THSD4: variants seen among roughly 807,000 people sequenced by gnomAD.
THSD4 encodes the protein thrombospondin type 1 domain containing 4, also known as thrombospondin type-1 domain-containing protein 4.
Under a neutral mutation model 119.0 loss-of-function variants are expected in THSD4, and 69 were observed. That is an observed-to-expected ratio of 0.58 (90% CI 0.48 to 0.71). THSD4 has a LOEUF of 0.71. THSD4 is among the 30% of genes least tolerant of loss of function. The probability of loss-of-function intolerance (pLI) is 0.00; values close to 1 mark genes in which losing one functional copy is unlikely to be tolerated. For missense variants in THSD4, 1,393 were observed against 1,391.1 expected (o/e 1.00, Z -0.02); for synonymous variants, 524 against 540.4 (o/e 0.97, Z 0.42).
chr15:71,622,014 G>A (rs4474638), intron 7 of THSD4, among the ~76,000 whole-genome samples: 149,184 of 152,302 alleles, frequency 0.98, 73,101 homozygotes, highest in Middle Eastern at 1. Flanking sequence ...TTTTGAACCT[G>A]TCTCAGGAAT....
At chr15:71,365,128 C>G (rs1157196740) in intron 6 of THSD4, among the ~76,000 whole-genome samples, 1 of 69,816 alleles carries the variant, frequency 1.4e-5, no homozygotes, top group Admixed American at 1.7e-4. Flanking sequence ...ACTGCCCCCC[C>G]CATTGTGTGT....
chr15:71,109,011 C>A (rs1046707973), intron 1 of THSD4, among the ~76,000 whole-genome samples: 5 of 151,852 alleles, frequency 3.3e-5, no homozygotes, highest in East Asian at 1.9e-4. Context: ...AACAAACAAA[C>A]AAAAAAACAA....
intron 6 of THSD4, among the ~76,000 whole-genome samples, chr15:71,299,837 A>G (rs796108591): frequency 2.0e-5 from 3 of 152,078 alleles, no homozygotes; most frequent in African/African-American, 7.2e-5. Context: ...AATTAAAAAT[A>G]ACATTGGGCT....
chr15:71,699,369 C>A (rs1186479910), intron 8 of THSD4, among the ~76,000 whole-genome samples: 1 of 64,156 alleles, frequency 1.6e-5, no homozygotes, highest in Non-Finnish European at 2.7e-5. Context: ...CCCGCCACTA[C>A]GCCCGGCTAA....
chr15:71,335,837 G>A (rs1442904032), intron 6 of THSD4, among the ~76,000 whole-genome samples: 1 of 152,102 alleles, frequency 6.6e-6, no homozygotes, highest in South Asian at 2.1e-4. Flanking sequence ...TGCAGAATTA[G>A]GATGTGTAAA....
In THSD4 at chr15:71,728,691, G is replaced by A. The variant is rs139510947; in HGVS notation, c.1500G>A (p.Ala500=). 51 of 1,614,170 alleles carry A rather than the reference G, an allele frequency of 3.2e-5. No homozygotes were observed. Among genetic ancestry groups the A allele is most frequent in the East Asian group, 2.9e-4 (13 of 44,888 alleles). Reference sequence around the variant, plus strand: ...GCACTGCCGGAGAGTCCTTTTTGGCGGAAGGTCCCACCAACGAGATCTTGG... The same window carrying A: ...GCACTGCCGGAGAGTCCTTTTTGGCAGAAGGTCCCACCAACGAGATCTTGG... The part of the protein sequence containing the change: ...ISSTAGESFL[A]EGPTNEILDV... Residue 500 remains alanine (A), a synonymous_variant, in exon 9 of 18, where the codon GCG becomes GCA. Transcript: ENST00000261862.
At chr15:71,103,031 G>A (rs573022784) in intron 1 of THSD4, among the ~76,000 whole-genome samples, 36 of 152,004 alleles carry the variant, frequency 2.4e-4, no homozygotes, top group Admixed American at 7.9e-4. Flanking sequence ...TGATTGTCTC[G>A]TTCCTTGTCA....
chr15:71,382,051 CACTT>C (rs953134234), intron 6 of THSD4, among the ~76,000 whole-genome samples: 3 of 152,046 alleles, frequency 2.0e-5, no homozygotes, highest in Non-Finnish European at 2.9e-5. Context: ...AAGTTTAAAA[CACTT>C]AAATATGACC....
chr15:71,115,825 G>C lies in THSD4; in HGVS notation c.-80+127G>C, dbSNP rs1281776700. 6.6e-6 allele frequency: 1 copy of C among 151,352 alleles called. No individual in the cohort carries two copies. Among genetic ancestry groups the C allele is most frequent in the African/African-American group, 2.4e-5 (1 of 41,352 alleles). The allele number at this position is 151,352 out of a possible 1,614,324, so 9.4% of individuals were successfully genotyped here. The stretch of plus-strand genomic sequence containing the variant: ...GCGGGCTGGCGCGGGCTACCCAGTG[G>C]GTGTGTCCGGGGCGCCGCGGGCTGC... On this transcript the variant is annotated intron_variant, in intron 1 of 17. Transcript: ENST00000261862. The surrounding 1 kb of genome is among the most constrained non-coding windows in gnomAD (Gnocchi z 4.4).
At chr15:71,620,766 A>G (rs949276135) in intron 7 of THSD4, among the ~76,000 whole-genome samples, 2 of 152,010 alleles carry the variant, frequency 1.3e-5, no homozygotes, top group Non-Finnish European at 2.9e-5. Context: ...AACTTTGCCC[A>G]CCCCTCCAAC....
chr15:71,711,266 A>C (rs2052510069), intron 8 of THSD4, among the ~76,000 whole-genome samples: 1 of 151,896 alleles, frequency 6.6e-6, no homozygotes, highest in Non-Finnish European at 1.5e-5. Flanking sequence ...TTCACGGAAA[A>C]ACCGAAGGTA....
At chr15:71,107,714 T>C (rs1313616147) in intron 1 of THSD4, among the ~76,000 whole-genome samples, 2 of 152,180 alleles carry the variant, frequency 1.3e-5, no homozygotes, top group African/African-American at 4.8e-5. Flanking sequence ...GCAATATAGC[T>C]AGCCAGAAAA....
At chr15:71,615,447 G>T (rs914185781) in intron 7 of THSD4, among the ~76,000 whole-genome samples, 7 of 152,084 alleles carry the variant, frequency 4.6e-5, no homozygotes, top group African/African-American at 1.7e-4. Flanking sequence ...ACCAGGGTAA[G>T]AAGGGAAATA....
intron 7 of THSD4, among the ~76,000 whole-genome samples, chr15:71,652,121 T>C (rs1323739938): frequency 6.6e-6 from 1 of 152,218 alleles, no homozygotes. Flanking sequence ...GCCTTTTTGC[T>C]GATAATCTAG....
chr15:71,741,646 T>C (rs892951049), intron 11 of THSD4, among the ~76,000 whole-genome samples: 8 of 151,582 alleles, frequency 5.3e-5, no homozygotes, highest in African/African-American at 9.7e-5. Context: ...ACAGGACCCA[T>C]TTTCAATATT....
chr15:71,345,572 C>T (rs1297891736), intron 6 of THSD4, among the ~76,000 whole-genome samples: 1 of 152,154 alleles, frequency 6.6e-6, no homozygotes, highest in African/African-American at 2.4e-5. Flanking sequence ...TGGCAGATCT[C>T]TGGGGTGGCT....
chr15:71,507,206 T>G (rs2140745607), intron 7 of THSD4, among the ~76,000 whole-genome samples: 1 of 152,324 alleles, frequency 6.6e-6, no homozygotes, highest in Non-Finnish European at 1.5e-5. Context: ...GGCTCAGAGC[T>G]CTGCCTCACC....
chr15:71,408,695 TACA>T (rs1389452054), intron 6 of THSD4, among the ~76,000 whole-genome samples: 40 of 152,130 alleles, frequency 2.6e-4, no homozygotes, highest in South Asian at 4.2e-4. Flanking sequence ...CTACAAAAAA[TACA>T]ACAATTAGCT....
chr15:71,594,082 A>G (rs369893337), intron 7 of THSD4, among the ~76,000 whole-genome samples: 4 of 152,164 alleles, frequency 2.6e-5, no homozygotes, highest in African/African-American at 9.6e-5. Flanking sequence ...ATGGTGCTGA[A>G]TGCAGCTCAG....
Sources: gnomAD v4.1 joint callset for allele counts (sites outside exome capture counted in the v4.1 genomes callset) on GRCh38, gnomAD v4.1.1 for gene constraint, Gnocchi (gnomAD v3.1) non-coding constraint, MANE v1.5 for transcripts, NCBI Gene and HGNC (gene_info 2026-07-23, HGNC 2026-07-21) for gene names.